Variants in HIPK2 observed in about 807,000 individuals in gnomAD.
HIPK2 encodes the protein homeodomain-interacting protein kinase 2.
HIPK2 carries 27 observed loss-of-function variants against 113.7 expected under a neutral mutation model. That is an observed-to-expected ratio of 0.24 (90% CI 0.17 to 0.33). The LOEUF (loss-of-function observed/expected upper bound fraction) is 0.33, where lower values mean the gene tolerates loss of function less well. Ranked by LOEUF, HIPK2 falls within the 10% of genes least tolerant of loss-of-function variation. HIPK2 has a pLI of 1.00. For missense variants in HIPK2, 1,257 were observed against 1,588.0 expected (o/e 0.79, Z 3.54); for synonymous variants, 631 against 642.2 (o/e 0.98, Z 0.26).
intron 1 of HIPK2, among the ~76,000 whole-genome samples, chr7:139,773,004 A>C (rs1181150654): frequency 1.3e-5 from 2 of 151,964 alleles, no homozygotes; most frequent in African/African-American, 2.4e-5. Context: ...TAGTGAGTCT[A>C]TGCTTCTTTC....
intron 1 of HIPK2, among the ~76,000 whole-genome samples, chr7:139,761,602 G>A (rs1316774396): frequency 6.6e-6 from 1 of 152,196 alleles, no homozygotes; most frequent in Admixed American, 6.5e-5. Flanking sequence ...AGAGGTTCTG[G>A]AGGCAAGACC....
Position 139,575,252 on chromosome 7 carries a change from T to C in HIPK2, c.3002A>G (p.Lys1001Arg). 6.3e-7 allele frequency: 1 copy of C among 1,577,628 alleles called. No individual in the cohort carries two copies. The highest frequency in any genetic ancestry group is 8.6e-7 in the Non-Finnish European group (1 of 1,161,650). The change falls in exon 14 of 15, where the codon AAG becomes AGG. Residue 1001 changes from lysine to arginine, a missense_variant. Lys to Arg is a conservative substitution (Grantham distance 26, BLOSUM62 2). Transcript: ENST00000406875. ...GGTGGAGGTCACGTTGCTGGAGGAC[T>C]TGGACTTGTAGGAGGACGAGTGGTG... ...TSHHSSSYKSKSSSNVTSTSG... is the reference protein window; with the variant it reads ...TSHHSSSYKSRSSSNVTSTSG...
At chr7:139,600,648 G>A in intron 10 of HIPK2, 52 bp from the exon 11 acceptor site, 3 of 1,575,650 alleles carry the variant, frequency 1.9e-6, no homozygotes, top group South Asian at 2.3e-5. Flanking sequence ...TAAAAGTAGA[G>A]CTCCTCTATA....
At chr7:139,615,721 T>G (rs767417714) in intron 7 of HIPK2, among the ~76,000 whole-genome samples, 6 of 152,248 alleles carry the variant, frequency 3.9e-5, no homozygotes, top group Non-Finnish European at 7.3e-5. Context: ...GTAGGGTGTG[T>G]ATGGATGTCA....
chr7:139,637,375 C>G (rs1800848286), intron 2 of HIPK2, among the ~76,000 whole-genome samples: 1 of 152,256 alleles, frequency 6.6e-6, no homozygotes, highest in Non-Finnish European at 1.5e-5. Context: ...CTGCCAACCA[C>G]TCTCCTAGCT....
rs916329485 is a variant in HIPK2 at position 139,701,986 on chromosome 7, G to C, written c.1103+13946C>G. On this transcript the variant is annotated intron_variant, in intron 2 of 14. Transcript: ENST00000406875. ...ACCCAGTAGGACTTCGAATCCCAGAGCTTCTAATCCCAGGTTAGGGATCTG... is the reference window on the plus strand; with the variant it reads ...ACCCAGTAGGACTTCGAATCCCAGACCTTCTAATCCCAGGTTAGGGATCTG... Among the ~76,000 whole-genome samples, 743 of 152,266 alleles carry C rather than the reference G, an allele frequency of 4.9e-3. 13 individuals carry two copies. Among genetic ancestry groups the C allele is most frequent in the East Asian group, 0.026 (134 of 5,166 alleles).
intron 13 of HIPK2, among the ~76,000 whole-genome samples, chr7:139,577,994 G>A (rs1798545018): frequency 6.6e-6 from 1 of 152,150 alleles, no homozygotes; most frequent in Admixed American, 6.5e-5. Context: ...GGGATTACAG[G>A]CATGCACCAC....
At chr7:139,578,035 A>G (rs949832166) in intron 13 of HIPK2, among the ~76,000 whole-genome samples, 2 of 150,556 alleles carry the variant, frequency 1.3e-5, no homozygotes, top group African/African-American at 4.9e-5. Context: ...TTTGAGACAG[A>G]GTCTCGCTCT....
chr7:139,720,446 G>T (rs1025735508), intron 1 of HIPK2, among the ~76,000 whole-genome samples: 1 of 152,296 alleles, frequency 6.6e-6, no homozygotes, highest in South Asian at 2.1e-4. Flanking sequence ...GTGACTGCAC[G>T]TCTGTAGGAA....
chr7:139,604,747 GGGACACAGCTGTAT>G (rs1799563485), intron 9 of HIPK2, among the ~76,000 whole-genome samples: 1 of 150,938 alleles, frequency 6.6e-6, no homozygotes, highest in African/African-American at 2.4e-5. Flanking sequence ...ATTAAGTACA[GGGACACAGCTGTAT>G]GGAAGGGATT....
At chr7:139,722,055 A>T (rs2116981081) in intron 1 of HIPK2, 1 of 478,212 alleles carries the variant, frequency 2.1e-6, no homozygotes, top group Admixed American at 2.1e-5. Flanking sequence ...ATAAACACTG[A>T]ATCTCAGATA....
At chr7:139,713,383 T>C (rs1463142272) in intron 2 of HIPK2, among the ~76,000 whole-genome samples, 2 of 151,948 alleles carry the variant, frequency 1.3e-5, no homozygotes, top group Non-Finnish European at 2.9e-5. Context: ...GCGACCTGTC[T>C]CCTCAGCACT....
At chr7:139,667,501 C>A (rs9769478) in intron 2 of HIPK2, among the ~76,000 whole-genome samples, 57,245 of 151,898 alleles carry the variant, frequency 0.38, 11,748 homozygotes, top group East Asian at 0.54. Flanking sequence ...TAATTTTATA[C>A]TTTTTGATCT....
At chr7:139,606,987 T>C (rs1799640900) in intron 9 of HIPK2, among the ~76,000 whole-genome samples, 1 of 152,206 alleles carries the variant, frequency 6.6e-6, no homozygotes. Flanking sequence ...CTATAATTAA[T>C]GCCTTTACAG....
At chr7:139,693,526 G>A (rs1425013284) in intron 2 of HIPK2, among the ~76,000 whole-genome samples, 1 of 151,750 alleles carries the variant, frequency 6.6e-6, no homozygotes, top group Admixed American at 6.6e-5. Flanking sequence ...CTAGCCTTGT[G>A]CCACTTGGCA....
At position 139,565,511 on chromosome 7, in the gene HIPK2, T is replaced by C. The variant is rs1798063676; in HGVS notation, c.*7416A>G. ...CCTAAGCATTTCTACATTCTCACCA[T>C]CTTTCAATCAAAATAAAAATGCATC... On this transcript the variant is annotated 3_prime_UTR_variant, in exon 15 of 15. Coordinates refer to ENST00000406875, the MANE Select transcript of HIPK2 (RefSeq NM_022740.5). The C allele has an allele frequency of 6.6e-6, 1 of 152,224 alleles. No homozygotes were observed. The highest frequency in any genetic ancestry group is 2.1e-4 in the South Asian group (1 of 4,834). 9.4% of individuals were successfully genotyped at this position (152,224 alleles called of 1,614,324 possible). A position where few individuals can be genotyped will look rare whatever the true frequency, so the allele number is the denominator to read the frequency against.
intron 12 of HIPK2, among the ~76,000 whole-genome samples, chr7:139,590,920 T>C (rs575347519): frequency 2.4e-4 from 37 of 152,228 alleles, no homozygotes; most frequent in Non-Finnish European, 5.0e-4. Flanking sequence ...GCATAGCTCA[T>C]TGCAGCCTCG....
chr7:139,573,019 G>T lies in HIPK2; in HGVS notation c.3505C>A (p.His1169Asn). 6.2e-7 allele frequency: 1 copy of T among 1,612,454 alleles called. No homozygotes were observed. Among genetic ancestry groups the T allele is most frequent in the East Asian group, 2.2e-5 (1 of 44,836 alleles). ...HPSQYPAQFA[H>N]QTYISASPAS... Reference sequence around the variant, plus strand: ...GGCGAGGCGCTGATGTAGGTCTGGTGGGCAAATTGGGCTGGATACTGACTC... The same window carrying T: ...GGCGAGGCGCTGATGTAGGTCTGGTTGGCAAATTGGGCTGGATACTGACTC... The change falls in exon 15 of 15, where the codon CAC (histidine) becomes AAC (asparagine). Residue 1169 changes from histidine (H) to asparagine (N), a missense_variant. His to Asn is a moderately conservative substitution (Grantham distance 68, BLOSUM62 1). Coordinates refer to ENST00000406875, the MANE Select transcript of HIPK2 (RefSeq NM_022740.5).
chr7:139,736,817 T>C (rs756415109), intron 1 of HIPK2, among the ~76,000 whole-genome samples: 6 of 152,190 alleles, frequency 3.9e-5, no homozygotes, highest in Middle Eastern at 3.2e-3. Flanking sequence ...ACAGAGAATG[T>C]CCGAATGTAT....
Sources: allele counts gnomAD v4.1 joint callset (sites outside exome capture counted in the v4.1 genomes callset), GRCh38; gene constraint gnomAD v4.1.1; transcripts MANE v1.5; gene names NCBI Gene and HGNC (gene_info 2026-07-23, HGNC 2026-07-21).